Variants in NR6A1 observed in about 807,000 individuals in gnomAD.
NR6A1 encodes nuclear receptor subfamily 6 group A member 1.
Under a neutral mutation model 59.1 loss-of-function variants are expected in NR6A1, and 7 were observed. The ratio of observed to expected loss-of-function variants is 0.12; its 90% CI spans 0.07 to 0.22. NR6A1 has a LOEUF of 0.22. Ranked by LOEUF, NR6A1 falls within the 10% of genes least tolerant of loss-of-function variation. The probability of loss-of-function intolerance (pLI) is 1.00; values close to 1 mark genes in which losing one functional copy is unlikely to be tolerated. For synonymous variants in NR6A1, 243 were observed against 236.1 expected, an observed-to-expected ratio of 1.03 and a Z score of -0.27; for missense variants, 468 against 611.6, an observed-to-expected ratio of 0.77 and a Z score of 2.48.
chr9:124,731,413 C>G (rs1340630096), intron 2 of NR6A1, among the ~76,000 whole-genome samples: 4 of 150,924 alleles, frequency 2.7e-5, no homozygotes, highest in Admixed American at 6.6e-5. Context: ...AGAAAAATAA[C>G]TGAATTTATC....
intron 2 of NR6A1, among the ~76,000 whole-genome samples, chr9:124,707,515 G>GT (rs199653224): frequency 0.029 from 4,049 of 140,682 alleles, 116 homozygotes; most frequent in African/African-American, 0.076. Context: ...AGTTTCTACT[G>GT]TTTTTTTTTT....
chr9:124,553,363 C>G (rs1833830271), intron 3 of NR6A1, among the ~76,000 whole-genome samples: 1 of 152,126 alleles, frequency 6.6e-6, no homozygotes, highest in Non-Finnish European at 1.5e-5. Context: ...CTCCATGAAG[C>G]CTGTTTGCAG....
intron 2 of NR6A1, among the ~76,000 whole-genome samples, chr9:124,717,079 G>A (rs1167993901): frequency 6.6e-6 from 1 of 152,178 alleles, no homozygotes. Flanking sequence ...GCTCACTAGA[G>A]TGACTAAAAT....
At chr9:124,700,648 C>A (rs573902192) in intron 2 of NR6A1, among the ~76,000 whole-genome samples, 1 of 151,830 alleles carries the variant, frequency 6.6e-6, no homozygotes, top group East Asian at 1.9e-4. Context: ...ATAGGTATTC[C>A]ACATTTTGTT....
rs549458812 is a variant in NR6A1, at chr9:124,633,075, C to T, written c.143-78505G>A. ...CCAATTTCTTAGGTAATCTTTCCACCGAATCAAGGATGCAGTGCCCCTAAA... is the reference window on the plus strand; with the variant it reads ...CCAATTTCTTAGGTAATCTTTCCACTGAATCAAGGATGCAGTGCCCCTAAA... On this transcript the variant is annotated intron_variant, in intron 2 of 9. Coordinates refer to ENST00000487099, the MANE Select transcript of NR6A1 (RefSeq NM_033334.4). 2.6e-5 allele frequency among the ~76,000 whole-genome samples: 4 copies of T among 152,156 alleles called. No individual in the cohort carries two copies. The South Asian group carries it at 8.3e-4, about 32-fold the overall frequency.
At chr9:124,645,684 C>T (rs1431163045) in intron 2 of NR6A1, among the ~76,000 whole-genome samples, 1 of 152,032 alleles carries the variant, frequency 6.6e-6, no homozygotes, top group Non-Finnish European at 1.5e-5. Context: ...CAGATAAATC[C>T]ACCCTCTATC....
intron 1 of NR6A1, among the ~76,000 whole-genome samples, chr9:124,745,663 C>T (rs1203493779): frequency 7.9e-6 from 1 of 126,292 alleles, no homozygotes; most frequent in Admixed American, 8.9e-5. Context: ...AAGAGTGAAA[C>T]TCTGTCTTAA....
intron 3 of NR6A1, among the ~76,000 whole-genome samples, chr9:124,553,549 CTTTTTTTT>C (rs780925768): frequency 1.9e-4 from 9 of 47,324 alleles, no homozygotes; most frequent in East Asian, 1.2e-3. Flanking sequence ...TTTAGCTTGA[CTTTTTTTT>C]TTTTTTTTTT....
intron 2 of NR6A1, among the ~76,000 whole-genome samples, chr9:124,652,819 A>G (rs1400573420): frequency 6.6e-6 from 1 of 152,208 alleles, no homozygotes; most frequent in East Asian, 1.9e-4. Flanking sequence ...GCTCAAGGCT[A>G]GGTGAGTAAT....
chr9:124,740,249 T>G (rs907867245), intron 1 of NR6A1, among the ~76,000 whole-genome samples: 2 of 152,010 alleles, frequency 1.3e-5, no homozygotes, highest in African/African-American at 4.8e-5. Context: ...AATTTCCCCC[T>G]CCCTTTCCTG....
At chr9:124,641,070 C>T (rs971622863) in intron 2 of NR6A1, among the ~76,000 whole-genome samples, 9 of 152,074 alleles carry the variant, frequency 5.9e-5, no homozygotes, top group Non-Finnish European at 1.2e-4. Flanking sequence ...AACACAAAGT[C>T]GCCGGGTGCA....
intron 2 of NR6A1, among the ~76,000 whole-genome samples, chr9:124,589,152 T>C (rs1835028598): frequency 6.6e-6 from 1 of 151,858 alleles, no homozygotes; most frequent in African/African-American, 2.4e-5. Flanking sequence ...ATGGCAAAGT[T>C]AAAAACAAAA....
At chr9:124,661,645 C>G (rs1837438571) in intron 2 of NR6A1, among the ~76,000 whole-genome samples, 1 of 152,180 alleles carries the variant, frequency 6.6e-6, no homozygotes, top group South Asian at 2.1e-4. Flanking sequence ...TGCTGGTAAA[C>G]ATAATAGCAA....
chr9:124,722,796 T>C (rs1460056341), intron 2 of NR6A1, among the ~76,000 whole-genome samples: 2 of 152,136 alleles, frequency 1.3e-5, no homozygotes, highest in Non-Finnish European at 2.9e-5. Context: ...CTTGGTTCAG[T>C]GCAGCCTCAA....
intron 2 of NR6A1, among the ~76,000 whole-genome samples, chr9:124,623,181 G>A (rs1432181293): frequency 1.3e-5 from 2 of 152,092 alleles, no homozygotes; most frequent in African/African-American, 4.8e-5. Context: ...GAAGTGACTT[G>A]AAGGAAGGTA....
intron 2 of NR6A1, among the ~76,000 whole-genome samples, chr9:124,637,673 T>C (rs531717073): frequency 3.3e-5 from 5 of 152,052 alleles, no homozygotes; most frequent in African/African-American, 9.6e-5. Flanking sequence ...GGCAGATCAC[T>C]TGAGTCCAGG....
intron 2 of NR6A1, among the ~76,000 whole-genome samples, chr9:124,681,862 C>T (rs747334838): frequency 6.6e-6 from 1 of 152,074 alleles, no homozygotes; most frequent in Non-Finnish European, 1.5e-5. Context: ...CAAAATCATG[C>T]TTGGGTAAAA....
chr9:124,695,850 G>A (rs935130399), intron 2 of NR6A1, among the ~76,000 whole-genome samples: 1 of 152,040 alleles, frequency 6.6e-6, no homozygotes, highest in Non-Finnish European at 1.5e-5. Context: ...ATGTACACTT[G>A]AACAAGCATG....
At chr9:124,615,705 GA>G (rs1033342068) in intron 2 of NR6A1, among the ~76,000 whole-genome samples, 3 of 151,816 alleles carry the variant, frequency 2.0e-5, no homozygotes, top group African/African-American at 7.3e-5. Context: ...CTGAACAAGA[GA>G]AGACTGATTA....
Sources: allele counts gnomAD v4.1 joint callset (sites outside exome capture counted in the v4.1 genomes callset), GRCh38; gene constraint gnomAD v4.1.1; transcripts MANE v1.5; gene names NCBI Gene and HGNC (gene_info 2026-07-23, HGNC 2026-07-21).